TBC1D31: variants seen among roughly 807,000 people sequenced by gnomAD.
TBC1D31 encodes the protein TBC1 domain family member 31, also known as WD repeat domain 67.
A neutral mutation model predicts 132.9 loss-of-function variants in TBC1D31; 99 were observed. That is an observed-to-expected ratio of 0.74 (90% CI 0.63 to 0.88). The LOEUF (loss-of-function observed/expected upper bound fraction) is 0.88. Ranked by LOEUF, TBC1D31 falls within the 40% of genes least tolerant of loss-of-function variation. TBC1D31 has a pLI of 0.00. For missense variants in TBC1D31, 1,134 were observed against 1,256.6 expected (o/e 0.90, Z 1.48); for synonymous variants, 385 against 419.4 (o/e 0.92, Z 1.00).
Position 123,129,131 on chromosome 8 carries a change from A to G in TBC1D31, c.2183A>G (p.Gln728Arg). The G allele has an allele frequency of 1.9e-6, 3 of 1,610,658 alleles. No individual in the cohort carries two copies. The highest frequency in any genetic ancestry group is 1.3e-5 in the African/African-American group (1 of 74,998). Reference protein sequence around the residue: ...QQRVEDEAWYQKQELLRKAEE... With the variant: ...QQRVEDEAWYRKQELLRKAEE... ...AGAGTTGAAGATGAAGCTTGGTACC[A>G]GAAACAGGAGCTGCTTCGTAAAGCT... The change falls in exon 15 of 22, where the codon CAG becomes CGG. Residue 728 changes from glutamine (Q) to arginine (R), a missense_variant. Coordinates refer to ENST00000287380, the MANE Select transcript of TBC1D31 (RefSeq NM_145647.4).
At chr8:123,128,244 A>G in intron 13 of TBC1D31, 37 bp from the exon 14 acceptor site, 1 of 1,036,176 alleles carries the variant, frequency 9.7e-7, no homozygotes, top group South Asian at 1.4e-5. Flanking sequence ...TTGCTTTGTC[A>G]GGTAAATCTC....
the TBC1D31 span, among the ~76,000 whole-genome samples, chr8:123,160,204 G>A: frequency 6.6e-6 from 1 of 152,304 alleles, no homozygotes; most frequent in East Asian, 1.9e-4. Flanking sequence ...TGATGACTTT[G>A]ACAGTTCTGA....
At chr8:123,155,347 G>A (rs1285148885), downstream of TBC1D31, among the ~76,000 whole-genome samples, 4 of 152,156 alleles carry the variant, frequency 2.6e-5, no homozygotes, top group Non-Finnish European at 5.9e-5. This position sits in a 1 kb window ranked among gnomAD's most constrained non-coding sequence, Gnocchi z 4.1. Context: ...CACCACAGAT[G>A]TGTTCCCTGG....
chr8:123,111,921 ATAGC>A (rs1181745570), intron 10 of TBC1D31, among the ~76,000 whole-genome samples: 1 of 152,074 alleles, frequency 6.6e-6, no homozygotes, highest in East Asian at 1.9e-4. Flanking sequence ...TGGCATAATC[ATAGC>A]TAACTGTAAC....
intron 3 of TBC1D31, 48 bp downstream of exon 3, chr8:123,082,865 T>C: frequency 7.6e-7 from 1 of 1,314,604 alleles, no homozygotes. Context: ...AAATATAAAC[T>C]GAAGAACTGC....
At chr8:123,103,482 G>C (rs1817642908) in intron 7 of TBC1D31, 1 of 151,954 alleles carries the variant, frequency 6.6e-6, no homozygotes, top group Admixed American at 6.6e-5. Context: ...GAGTGCAGTG[G>C]TGTGATCTTG....
chr8:123,093,017 G>A (rs560101053), intron 4 of TBC1D31, among the ~76,000 whole-genome samples: 16 of 151,986 alleles, frequency 1.1e-4, no homozygotes, highest in African/African-American at 3.6e-4. Flanking sequence ...TCACCTTGTT[G>A]GTCAGGCTAG....
At position 123,116,713 on chromosome 8, in the gene TBC1D31, G is replaced by A. The variant is rs146047254; in HGVS notation, c.1437-3342G>A. Among the ~76,000 whole-genome samples the A allele has an allele frequency of 7.5e-3, 1,141 of 152,208 alleles. 15 individuals are homozygous for A. Among genetic ancestry groups the A allele is most frequent in the African/African-American group, 0.026 (1,070 of 41,544 alleles). On this transcript the variant is annotated intron_variant, in intron 10 of 21. Transcript: ENST00000287380. ...GCATCTTTTAGTGCCATAAAGTAAG[G>A]AAATGCTCTGAAAGGATGGGCATGT...
At chr8:123,105,812 G>C (rs1247830804) in intron 8 of TBC1D31, among the ~76,000 whole-genome samples, 2 of 152,096 alleles carry the variant, frequency 1.3e-5, no homozygotes, top group Non-Finnish European at 2.9e-5. Context: ...CATATACAAA[G>C]TACACATTAA....
chr8:123,079,360 A>T lies in TBC1D31; in HGVS notation c.224+2103A>T, dbSNP rs568894673. On this transcript the variant is annotated intron_variant, in intron 2 of 21. Coordinates refer to ENST00000287380, the MANE Select transcript of TBC1D31 (RefSeq NM_145647.4). ...GAGTTTTCTTATTATGGGAAACTTG[A>T]TCTTGGTAACTTAAATAGTTAAAGA... 5.9e-5 allele frequency among the ~76,000 whole-genome samples: 9 copies of T among 152,306 alleles called. No individual in the cohort carries two copies. The South Asian group carries it at 1.9e-3, about 32-fold the overall frequency.
At chr8:123,098,568 G>A (rs1563693095) in intron 6 of TBC1D31, among the ~76,000 whole-genome samples, 1 of 152,218 alleles carries the variant, frequency 6.6e-6, no homozygotes, top group Admixed American at 6.5e-5. Context: ...GATTATAGGC[G>A]TGAGCCACTG....
chr8:123,126,480 A>G (rs1384394609), intron 12 of TBC1D31, 28 bp from the exon 13 acceptor site: 8 of 1,592,816 alleles, frequency 5.0e-6, no homozygotes, highest in Non-Finnish European at 6.8e-6. Context: ...CCCTAGAAAA[A>G]TAATAAATTT....
chr8:123,158,030 T>C, the TBC1D31 span, among the ~76,000 whole-genome samples: 1 of 149,876 alleles, frequency 6.7e-6, no homozygotes, highest in South Asian at 2.1e-4. Context: ...TTTTTTTTTT[T>C]TTTTTTTTGC....
chr8:123,137,286 G>A (rs1000781880), intron 17 of TBC1D31, among the ~76,000 whole-genome samples: 2 of 152,276 alleles, frequency 1.3e-5, no homozygotes, highest in African/African-American at 2.4e-5. Context: ...GTCTTGCAAA[G>A]ATTGCTATAA....
chr8:123,086,137 T>C (rs1815719474), intron 4 of TBC1D31, among the ~76,000 whole-genome samples: 1 of 152,210 alleles, frequency 6.6e-6, no homozygotes, highest in African/African-American at 2.4e-5. Flanking sequence ...TCTCCTGTGA[T>C]TTCCTATATG....
In TBC1D31 at chr8:123,100,887, C is replaced by G; in HGVS notation, c.912C>G (p.Ser304Arg). The change falls in exon 7 of 22, where the codon AGC becomes AGG. Residue 304 changes from serine to arginine, a missense_variant. By Grantham distance (110) the Ser-to-Arg change is moderately radical (BLOSUM62 -1). Transcript: ENST00000287380. ...QTCKLLFEIG[S>R]LDEGISSSAI... ...GTAAACTTCTCTTTGAGATTGGGAG[C>G]CTCGATGAAGGAATTAGCTCATCAG... 1 of 1,613,758 alleles carries G rather than the reference C, an allele frequency of 6.2e-7. No individual in the cohort carries two copies. The highest frequency in any genetic ancestry group is 2.2e-5 in the East Asian group (1 of 44,850).
At chr8:123,147,516 A>G (rs947848274) in intron 20 of TBC1D31, among the ~76,000 whole-genome samples, 6 of 152,154 alleles carry the variant, frequency 3.9e-5, no homozygotes, top group African/African-American at 1.4e-4. Flanking sequence ...TTAGAGAGCT[A>G]TCTACGTAGA....
At chr8:123,096,562 G>A (rs1382946604) in intron 5 of TBC1D31, among the ~76,000 whole-genome samples, 2 of 152,150 alleles carry the variant, frequency 1.3e-5, no homozygotes, top group Non-Finnish European at 2.9e-5. Context: ...CTGAGATCAA[G>A]TTCATTTATT....
chr8:123,108,559 T>C (rs1818161019), intron 8 of TBC1D31, among the ~76,000 whole-genome samples: 2 of 152,172 alleles, frequency 1.3e-5, no homozygotes, highest in South Asian at 2.1e-4. Context: ...GAGTCCCAGA[T>C]GACAGCCGAT....
Sources: gnomAD v4.1 joint callset for allele counts (sites outside exome capture counted in the v4.1 genomes callset) on GRCh38, gnomAD v4.1.1 for gene constraint, Gnocchi (gnomAD v3.1) non-coding constraint, MANE v1.5 for transcripts, NCBI Gene and HGNC (gene_info 2026-07-23, HGNC 2026-07-21) for gene names.